PTPRD: variants seen among roughly 807,000 people sequenced by gnomAD.
PTPRD encodes protein tyrosine phosphatase receptor type D, also known as receptor-type tyrosine-protein phosphatase delta.
In PTPRD, 34 loss-of-function variants were observed where a neutral mutation model predicts 214.5. That is an observed-to-expected ratio of 0.16 (90% CI 0.12 to 0.21). The LOEUF is 0.21. Among genes scored for constraint, PTPRD ranks in the 10% least tolerant of loss-of-function variants. The pLI is 1.00. For missense variants in PTPRD, 2,545 were observed against 2,398.7 expected, an observed-to-expected ratio of 1.06 and a Z score of -1.27; for synonymous variants, 1,128 against 845.7, an observed-to-expected ratio of 1.33 and a Z score of -5.79.
At chr9:9,126,014 G>C (rs1176184697) in intron 10 of PTPRD, among the ~76,000 whole-genome samples, 1 of 152,146 alleles carries the variant, frequency 6.6e-6, no homozygotes, top group African/African-American at 2.4e-5. Context: ...ACAGAATGGA[G>C]GGTATCATGC....
intron 3 of PTPRD, among the ~76,000 whole-genome samples, chr9:10,248,878 C>CTTT (rs36110607): frequency 4.5e-3 from 682 of 150,928 alleles, no homozygotes; most frequent in Middle Eastern, 6.8e-3. Flanking sequence ...GATATTTTAT[C>CTTT]TTTTTTTTAG....
chr9:10,578,867 G>C (rs1221109727), intron 2 of PTPRD, among the ~76,000 whole-genome samples: 1 of 151,946 alleles, frequency 6.6e-6, no homozygotes, highest in South Asian at 2.1e-4. Context: ...GTCGTGTTTT[G>C]TTTTGTTTTG....
At chr9:9,581,416 C>A (rs1055940044) in intron 7 of PTPRD, among the ~76,000 whole-genome samples, 1 of 151,996 alleles carries the variant, frequency 6.6e-6, no homozygotes, top group East Asian at 1.9e-4. Flanking sequence ...TAGAAAAATG[C>A]AAATAAATGC....
intron 10 of PTPRD, among the ~76,000 whole-genome samples, chr9:9,033,481 G>A (rs556914092): frequency 3.3e-5 from 5 of 151,940 alleles, no homozygotes; most frequent in East Asian, 3.9e-4. Context: ...ACATCCAACC[G>A]CAGTACATAC....
chr9:8,918,333 C>T (rs2098801405), intron 11 of PTPRD, among the ~76,000 whole-genome samples: 1 of 152,052 alleles, frequency 6.6e-6, no homozygotes, highest in Non-Finnish European at 1.5e-5. Context: ...TAGAAAAGGC[C>T]CAAGACTGGA....
chr9:10,393,382 A>G (rs980967389), intron 2 of PTPRD, among the ~76,000 whole-genome samples: 28 of 151,758 alleles, frequency 1.8e-4, no homozygotes, highest in Non-Finnish European at 3.1e-4. Flanking sequence ...GATCCATATC[A>G]TAATGAGATT....
chr9:9,100,844 T>C (rs1298288310), intron 10 of PTPRD, among the ~76,000 whole-genome samples: 1 of 152,158 alleles, frequency 6.6e-6, no homozygotes, highest in Non-Finnish European at 1.5e-5. Context: ...TGATCTCATA[T>C]TATATTATTA....
At chr9:10,416,365 G>C (rs374435397) in intron 2 of PTPRD, among the ~76,000 whole-genome samples, 4 of 151,548 alleles carry the variant, frequency 2.6e-5, no homozygotes, top group Non-Finnish European at 5.9e-5. Context: ...TCTCAAAAAA[G>C]CAAAACAAAC....
At chr9:10,188,861 C>T (rs2099349699) in intron 3 of PTPRD, among the ~76,000 whole-genome samples, 1 of 152,130 alleles carries the variant, frequency 6.6e-6, no homozygotes. Flanking sequence ...AAACTAACAA[C>T]CCCACAACTT....
intron 39 of PTPRD, among the ~76,000 whole-genome samples, chr9:8,342,671 CTA>C (rs1224298915): frequency 6.6e-6 from 1 of 152,056 alleles, no homozygotes; most frequent in African/African-American, 2.4e-5. Flanking sequence ...ATCTGTGTAT[CTA>C]TGTGTTCATT....
At position 8,486,288 on chromosome 9, in the gene PTPRD, C is replaced by A. The variant is rs2135974326; in HGVS notation, c.2529G>T (p.Trp843Cys). The change falls in exon 28 of 46, where the codon TGG becomes TGT. Residue 843 changes from tryptophan to cysteine, a missense_variant. Transcript: ENST00000381196. ...HTQMNTALIQ[W>C]HPPVDTFGPL... ...GTCCAAATGTGTCCACCGGAGGGTG[C>A]CACTGAATAAGAGCAGTATTCATCT... 1 of 1,614,158 alleles carries A rather than the reference C, an allele frequency of 6.2e-7. No individual in the cohort carries two copies. The highest frequency in any genetic ancestry group is 8.5e-7 in the Non-Finnish European group (1 of 1,180,024).
chr9:10,533,689 C>A (rs1036777248), intron 2 of PTPRD, among the ~76,000 whole-genome samples: 5 of 151,946 alleles, frequency 3.3e-5, no homozygotes, highest in Admixed American at 3.3e-4. Flanking sequence ...CATTAATATG[C>A]ACCCAATTAT....
intron 3 of PTPRD, among the ~76,000 whole-genome samples, chr9:10,062,556 A>C (rs1417306168): frequency 6.6e-6 from 1 of 152,098 alleles, no homozygotes; most frequent in African/African-American, 2.4e-5. Flanking sequence ...CAGTTAGCCA[A>C]GATCACTCCA....
At chr9:9,822,330 G>C (rs2051061625) in intron 5 of PTPRD, among the ~76,000 whole-genome samples, 1 of 151,296 alleles carries the variant, frequency 6.6e-6, no homozygotes, top group South Asian at 2.1e-4. Flanking sequence ...AGAATCACTT[G>C]AACCTGGGAG....
chr9:9,938,408 G>T (rs1226715434), intron 5 of PTPRD, 99 bp downstream of exon 5: 1 of 152,106 alleles, frequency 6.6e-6, no homozygotes, highest in African/African-American at 2.4e-5. Flanking sequence ...AAGCGTAAAA[G>T]GGTTGATGGA....
chr9:9,097,497 C>A (rs764691194), intron 10 of PTPRD, among the ~76,000 whole-genome samples: 1 of 151,816 alleles, frequency 6.6e-6, no homozygotes, highest in Non-Finnish European at 1.5e-5. Flanking sequence ...CAAGCTCTGC[C>A]GCCCGGATTC....
intron 3 of PTPRD, among the ~76,000 whole-genome samples, chr9:10,074,585 T>TTGATTTCA (rs1165564119): frequency 4.6e-5 from 7 of 152,156 alleles, no homozygotes; most frequent in African/African-American, 1.7e-4. Flanking sequence ...CTATTTTCAC[T>TTGATTTCA]TGATTTCATG....
At chr9:9,881,016 C>T (rs2068511437) in intron 5 of PTPRD, among the ~76,000 whole-genome samples, 1 of 152,110 alleles carries the variant, frequency 6.6e-6, no homozygotes, top group African/African-American at 2.4e-5. Context: ...GGAAACCCTG[C>T]ATTGAAAAAC....
intron 5 of PTPRD, among the ~76,000 whole-genome samples, chr9:9,775,492 T>A (rs1052499047): frequency 2.6e-5 from 4 of 152,210 alleles, no homozygotes; most frequent in Non-Finnish European, 5.9e-5. Context: ...CACCTCTGTA[T>A]TTCTAGGATT....
Sources: allele counts gnomAD v4.1 joint callset (sites outside exome capture counted in the v4.1 genomes callset), GRCh38; gene constraint gnomAD v4.1.1; transcripts MANE v1.5; gene names NCBI Gene and HGNC (gene_info 2026-07-23, HGNC 2026-07-21).